DDX19B: variants seen among roughly 807,000 people sequenced by gnomAD.
The protein encoded by DDX19B is DEAD-box helicase 19B.
In DDX19B, 27 loss-of-function variants were observed where a neutral mutation model predicts 58.1. That is an observed-to-expected ratio of 0.46 (90% CI 0.34 to 0.64). The LOEUF (loss-of-function observed/expected upper bound fraction) is 0.64, where lower values mean the gene tolerates loss of function less well. Among genes scored for constraint, DDX19B ranks in the 30% least tolerant of loss-of-function variants. DDX19B has a pLI of 0.01. For missense variants in DDX19B, 399 were observed against 596.5 expected (o/e 0.67, Z 3.45); for synonymous variants, 187 against 214.4 (o/e 0.87, Z 1.12).
chr16:70,294,177 G>T (rs1020277843), upstream of DDX19B, among the ~76,000 whole-genome samples: 2 of 146,578 alleles, frequency 1.4e-5, no homozygotes, highest in Non-Finnish European at 3.0e-5. Context: ...CGCCTCCCGG[G>T]TTCACGCCAT....
At chr16:70,317,419 G>C in intron 4 of DDX19B, 77 bp from the exon 5 acceptor site, 1 of 1,156,876 alleles carries the variant, frequency 8.6e-7, no homozygotes, top group Non-Finnish European at 1.3e-6. Context: ...AACAGTAAAA[G>C]AGAAAAATCC....
chr16:70,316,672 C>CTT (rs1259893795), intron 4 of DDX19B, among the ~76,000 whole-genome samples: 1 of 152,130 alleles, frequency 6.6e-6, no homozygotes, highest in Non-Finnish European at 1.5e-5. Flanking sequence ...TACATAAATA[C>CTT]TGTAGATGCT....
chr16:70,329,999 C>T lies in DDX19B; in HGVS notation c.954C>T (p.Asp318=), dbSNP rs775450594. 1.4e-5 allele frequency: 23 copies of T among 1,614,146 alleles called. No individual in the cohort carries two copies. The highest frequency in any genetic ancestry group is 1.1e-4 in the East Asian group (5 of 44,882). The change falls in exon 9 of 12, where the codon GAC becomes GAT. Residue 318 remains aspartate, a synonymous_variant. Coordinates refer to ENST00000288071, the MANE Select transcript of DDX19B (RefSeq NM_007242.7). The part of the protein sequence containing the change: ...KQYYVLCSSR[D]EKFQALCNLY... ...ACTATGTCCTGTGCAGCAGCAGAGA[C>T]GAGAAGTTCCAGGCCTTGTGTAACC...
chr16:70,309,047 T>C (rs1961933204), intron 1 of DDX19B, among the ~76,000 whole-genome samples: 1 of 152,164 alleles, frequency 6.6e-6, no homozygotes, highest in South Asian at 2.1e-4. Flanking sequence ...ATTTCTTTTT[T>C]TTTTTGTTTG....
At chr16:70,290,468 G>T (rs946685933), upstream of DDX19B, among the ~76,000 whole-genome samples, 3 of 152,072 alleles carry the variant, frequency 2.0e-5, no homozygotes, top group Non-Finnish European at 4.4e-5. Flanking sequence ...CGGAAGTTGC[G>T]GTGAGCCGAG....
intron 11 of DDX19B, 150 bp from the exon 12 acceptor site, chr16:70,333,371 G>C (rs1046805511): frequency 4.6e-6 from 6 of 1,314,536 alleles, no homozygotes; most frequent in Non-Finnish European, 6.3e-6. Flanking sequence ...GCTTCGGGGC[G>C]TGGGGCTCTG....
chr16:70,311,004 C>A (rs1962060855), intron 1 of DDX19B, among the ~76,000 whole-genome samples: 1 of 148,374 alleles, frequency 6.7e-6, no homozygotes, highest in African/African-American at 2.5e-5. Flanking sequence ...GCACTCCAGC[C>A]TGGGCAACAG....
chr16:70,314,877 T>TA (rs1157196974), intron 2 of DDX19B, 25 bp from the exon 3 acceptor site: 8 of 1,607,058 alleles, frequency 5.0e-6, no homozygotes, highest in Non-Finnish European at 6.0e-6. Context: ...CGATTTTGAA[T>TA]GATGGCCACT....
intron 5 of DDX19B, chr16:70,318,064 C>CA (rs549888922): frequency 0.082 from 6,024 of 73,586 alleles, 442 homozygotes; most frequent in African/African-American, 0.23. Flanking sequence ...GACTTTGTCT[C>CA]AAAAAAAAAA....
chr16:70,297,246 C>A (rs1161910435), upstream of DDX19B, among the ~76,000 whole-genome samples: 1 of 148,430 alleles, frequency 6.7e-6, no homozygotes, highest in African/African-American at 2.5e-5. Context: ...CAGAGTTTCA[C>A]TCGTCGCCCA....
upstream of DDX19B, among the ~76,000 whole-genome samples, chr16:70,298,716 C>T (rs540884056): frequency 6.6e-6 from 1 of 152,158 alleles, no homozygotes; most frequent in East Asian, 2.0e-4. Flanking sequence ...TGCAATTCCT[C>T]CTCTTGGGGT....
chr16:70,304,178 T>C (rs1291269274), intron 1 of DDX19B, among the ~76,000 whole-genome samples: 7 of 151,408 alleles, frequency 4.6e-5, no homozygotes, highest in Non-Finnish European at 1.0e-4. Context: ...GTAGCTGGGA[T>C]TACAGGCACC....
rs1962381100 is a variant in DDX19B at position 70,316,040 on chromosome 16, G to C, written c.232G>C (p.Glu78Gln). Reference protein sequence around the residue: ...SNLVDNTNQVEVLQRDPNSPL... With the variant: ...SNLVDNTNQVQVLQRDPNSPL... ...CCTTGTTGATAACACAAACCAAGTG[G>C]AAGTCCTGCAGCGGGATCCAAACTC... is the stretch of plus-strand genomic sequence containing the variant. Residue 78 changes from glutamate to glutamine, a missense_variant, in exon 4 of 12, where the codon GAA becomes CAA. By Grantham distance (29) the Glu-to-Gln change is conservative (BLOSUM62 2). This residue lies in a region of DDX19B where 132 missense variants were observed against 159.4 expected (regional missense o/e 0.83). Transcript: ENST00000288071. 1 of 1,614,070 alleles carries C rather than the reference G, an allele frequency of 6.2e-7. No homozygotes were observed. The highest frequency in any genetic ancestry group is 2.2e-5 in the East Asian group (1 of 44,880).
At chr16:70,309,254 G>A (rs1214321421) in intron 1 of DDX19B, among the ~76,000 whole-genome samples, 4 of 152,160 alleles carry the variant, frequency 2.6e-5, no homozygotes, top group South Asian at 2.1e-4. Flanking sequence ...CCAGCACTTC[G>A]GGAGGCCGAG....
At chr16:70,328,559 C>T (rs949756268) in intron 7 of DDX19B, among the ~76,000 whole-genome samples, 4 of 151,648 alleles carry the variant, frequency 2.6e-5, no homozygotes, top group Non-Finnish European at 2.9e-5. Context: ...GATGGGGTTT[C>T]GCCATGTTGG....
At chr16:70,299,469 T>C in intron 1 of DDX19B, 115 bp downstream of exon 1, 1 of 1,278,982 alleles carries the variant, frequency 7.8e-7, no homozygotes, top group Middle Eastern at 2.0e-4. Context: ...GCGGGGAGGA[T>C]AGGGATGGAG....
At chr16:70,307,089 G>A (rs777877491) in intron 1 of DDX19B, among the ~76,000 whole-genome samples, 22 of 152,088 alleles carry the variant, frequency 1.4e-4, no homozygotes, top group South Asian at 1.0e-3. Flanking sequence ...TCCATTGTGT[G>A]GATATACCAC....
Position 70,333,950 on chromosome 16 carries a change from G to A in DDX19B, c.*368G>A. On this transcript the variant is annotated 3_prime_UTR_variant, in exon 12 of 12. Coordinates refer to ENST00000288071, the MANE Select transcript of DDX19B (RefSeq NM_007242.7). Reference sequence around the variant, plus strand: ...TCTCTGGCTTGGAGTGGATGGGGCAGCCTCCAGCTCCTGTGGAAGTAATGG... The same window carrying A: ...TCTCTGGCTTGGAGTGGATGGGGCAACCTCCAGCTCCTGTGGAAGTAATGG... 1 of 330,646 alleles carries A rather than the reference G, an allele frequency of 3.0e-6. No individual in the cohort carries two copies. Among genetic ancestry groups the A allele is most frequent in the Non-Finnish European group, 5.7e-6 (1 of 176,260 alleles). 20.5% of individuals were successfully genotyped at this position (330,646 alleles called of 1,614,324 possible).
intron 1 of DDX19B, among the ~76,000 whole-genome samples, chr16:70,302,016 G>A (rs1443115652): frequency 6.6e-6 from 1 of 151,678 alleles, no homozygotes; most frequent in East Asian, 1.9e-4. Context: ...TGCTTCTTGA[G>A]TTCAAGCGAT....
Sources: gnomAD v4.1 joint callset for allele counts (sites outside exome capture counted in the v4.1 genomes callset) on GRCh38, gnomAD v4.1.1 for gene constraint, gnomAD v4.1.1 regional missense constraint, MANE v1.5 for transcripts, NCBI Gene and HGNC (gene_info 2026-07-23, HGNC 2026-07-21) for gene names.